Variants in PLCL2 observed in about 807,000 individuals in gnomAD.
PLCL2 encodes the protein inactive phospholipase C-like protein 2.
Under a neutral mutation model 79.6 loss-of-function variants are expected in PLCL2, and 4 were observed. That is an observed-to-expected ratio of 0.05 (90% CI 0.02 to 0.11). The LOEUF (loss-of-function observed/expected upper bound fraction) is 0.11, where lower values mean the gene tolerates loss of function less well. Ranked by LOEUF, PLCL2 falls within the 10% of genes least tolerant of loss-of-function variation. The pLI is 1.00. For missense variants in PLCL2, 895 were observed against 1,291.0 expected (o/e 0.69, Z 4.70); for synonymous variants, 484 against 457.7 (o/e 1.06, Z -0.73).
intron 1 of PLCL2, among the ~76,000 whole-genome samples, chr3:16,945,409 T>G (rs1040887812): frequency 1.3e-5 from 2 of 152,142 alleles, no homozygotes; most frequent in East Asian, 3.9e-4. Flanking sequence ...AAGGGTGAAG[T>G]TTTTTTCTGC....
intron 4 of PLCL2, chr3:17,044,254 G>A (rs2064758694): frequency 6.6e-6 from 1 of 152,376 alleles, no homozygotes; most frequent in African/African-American, 2.4e-5. Flanking sequence ...GAAGGGAAGG[G>A]ATGGTGAGCC....
At chr3:17,088,067 A>G (rs1009004837) in intron 5 of PLCL2, among the ~76,000 whole-genome samples, 2 of 152,242 alleles carry the variant, frequency 1.3e-5, no homozygotes, top group Non-Finnish European at 2.9e-5. Context: ...GCAAGGGAAC[A>G]TCTATTTATA....
intron 1 of PLCL2, among the ~76,000 whole-genome samples, chr3:16,935,078 A>T (rs1697508102): frequency 6.6e-6 from 1 of 152,222 alleles, no homozygotes; most frequent in Admixed American, 6.5e-5. Flanking sequence ...ACTGAGTATT[A>T]TCGCTTTGAA....
chr3:16,958,583 TAGAA>T (rs986602707), intron 1 of PLCL2, among the ~76,000 whole-genome samples: 1 of 152,284 alleles, frequency 6.6e-6, no homozygotes, highest in African/African-American at 2.4e-5. Flanking sequence ...AAACAAATAT[TAGAA>T]AGAAGAAAAA....
At chr3:17,033,052 TATCTG>T (rs1190178992) in intron 3 of PLCL2, among the ~76,000 whole-genome samples, 1 of 152,182 alleles carries the variant, frequency 6.6e-6, no homozygotes, top group Admixed American at 6.5e-5. Flanking sequence ...TATAGGATTT[TATCTG>T]AAATGTAGTA....
intron 1 of PLCL2, among the ~76,000 whole-genome samples, chr3:17,002,482 G>T (rs563498773): frequency 6.6e-6 from 1 of 152,184 alleles, no homozygotes; most frequent in African/African-American, 2.4e-5. Flanking sequence ...CCCATCATCT[G>T]AACTAGAATT....
intron 1 of PLCL2, among the ~76,000 whole-genome samples, chr3:16,963,525 A>G (rs1322436456): frequency 6.6e-6 from 1 of 152,206 alleles, no homozygotes; most frequent in Non-Finnish European, 1.5e-5. Flanking sequence ...GCAAATATAC[A>G]TACCTGAGCA....
At chr3:17,008,575 A>T (rs2064286218) in intron 1 of PLCL2, among the ~76,000 whole-genome samples, 1 of 152,002 alleles carries the variant, frequency 6.6e-6, no homozygotes, top group Non-Finnish European at 1.5e-5. Context: ...CATTGTAACC[A>T]GGTAACCCAG....
intron 4 of PLCL2, among the ~76,000 whole-genome samples, chr3:17,053,456 A>C (rs2064862237): frequency 6.6e-6 from 1 of 152,152 alleles, no homozygotes; most frequent in African/African-American, 2.4e-5. Context: ...GTTATGTTTC[A>C]ACATTAGATT....
intron 1 of PLCL2, among the ~76,000 whole-genome samples, chr3:16,942,090 A>G (rs189975105): frequency 6.6e-6 from 1 of 152,194 alleles, no homozygotes; most frequent in Non-Finnish European, 1.5e-5. Context: ...AATTCCTAGG[A>G]TGAAATAAAT....
rs879899450 is a variant in PLCL2 at position 17,049,038 on chromosome 3, TTCATGAA to T, written c.3094+6090_3094+6096del. Among the ~76,000 whole-genome samples, 92 of 151,970 alleles carry T rather than the reference TTCATGAA, an allele frequency of 6.1e-4. No homozygotes were observed. The South Asian group carries it at 7.7e-3, about 13-fold the overall frequency. ...TGTTCTAAAAAAAAAGAAAAGAAAA[TTCATGAA>T]GCTATTTTTGCAGCCATACCAGCAG... On this transcript the variant is annotated intron_variant, in intron 4 of 5. Coordinates refer to ENST00000615277, the MANE Select transcript of PLCL2 (RefSeq NM_001144382.2).
intron 1 of PLCL2, among the ~76,000 whole-genome samples, chr3:16,989,910 G>A (rs564050368): frequency 1.3e-5 from 2 of 152,170 alleles, no homozygotes; most frequent in Admixed American, 6.5e-5. Context: ...AGGTTTGTAG[G>A]TGCTCAGACA....
chr3:17,012,690 T>C (rs1248106194), intron 2 of PLCL2, among the ~76,000 whole-genome samples: 1 of 152,258 alleles, frequency 6.6e-6, no homozygotes, highest in Non-Finnish European at 1.5e-5. Flanking sequence ...AAAAGAGATG[T>C]CTGTATTTAT....
At chr3:17,047,624 T>G (rs759741834) in intron 4 of PLCL2, among the ~76,000 whole-genome samples, 14 of 152,246 alleles carry the variant, frequency 9.2e-5, no homozygotes, top group Non-Finnish European at 1.8e-4. Context: ...AATGGGAAAT[T>G]TTCAGTGGAT....
At chr3:17,022,151 T>G (rs2064462255) in intron 3 of PLCL2, among the ~76,000 whole-genome samples, 2 of 152,196 alleles carry the variant, frequency 1.3e-5, no homozygotes, top group African/African-American at 4.8e-5. Context: ...TTTAGTTCCC[T>G]GAATCTGGTA....
intron 3 of PLCL2, among the ~76,000 whole-genome samples, chr3:17,039,590 A>G (rs757553344): frequency 1.3e-5 from 2 of 152,210 alleles, no homozygotes; most frequent in Non-Finnish European, 2.9e-5. Flanking sequence ...AAGTAGTACA[A>G]ATATTTTATA....
At chr3:17,025,042 C>T (rs1346279095) in intron 3 of PLCL2, among the ~76,000 whole-genome samples, 4 of 152,166 alleles carry the variant, frequency 2.6e-5, no homozygotes, top group Admixed American at 6.6e-5. Flanking sequence ...TACACCTTTA[C>T]TGTTGAATTT....
At chr3:17,075,502 T>C (rs2124949261) in intron 5 of PLCL2, among the ~76,000 whole-genome samples, 1 of 150,296 alleles carries the variant, frequency 6.7e-6, no homozygotes, top group South Asian at 2.1e-4. Flanking sequence ...AAAATGACAC[T>C]GTAGACTTGC....
chr3:16,895,074 A>G (rs1227038240), intron 1 of PLCL2, among the ~76,000 whole-genome samples: 1 of 142,922 alleles, frequency 7.0e-6, no homozygotes, highest in Non-Finnish European at 1.6e-5. Context: ...ATCTATATAG[A>G]TATAGATATA....
Sources: allele counts gnomAD v4.1 joint callset (sites outside exome capture counted in the v4.1 genomes callset), GRCh38; gene constraint gnomAD v4.1.1; transcripts MANE v1.5; gene names NCBI Gene and HGNC (gene_info 2026-07-23, HGNC 2026-07-21).